The following CDK2 variants were observed in gnomAD, a reference collection of about 807,000 sequenced individuals.
CDK2 encodes cyclin-dependent kinase 2.
A neutral mutation model predicts 35.0 loss-of-function variants in CDK2; 8 were observed. That is an observed-to-expected ratio of 0.23 (90% CI 0.13 to 0.41). The LOEUF is 0.41. Ranked by LOEUF, CDK2 falls within the 10% of genes least tolerant of loss-of-function variation. The pLI is 1.00. For synonymous variants in CDK2, 134 were observed against 137.7 expected, an observed-to-expected ratio of 0.97 and a Z score of 0.19; for missense variants, 201 against 367.1, an observed-to-expected ratio of 0.55 and a Z score of 3.70.
chr12:55,968,236 G>C, intron 3 of CDK2, 67 bp downstream of exon 3: 2 of 1,586,040 alleles, frequency 1.3e-6, no homozygotes, highest in East Asian at 4.5e-5. Context: ...GGCAATTCAG[G>C]GTGATATTTT....
chr12:55,971,440 G>A, intron 6 of CDK2, 81 bp from the exon 7 acceptor site: 1 of 1,222,688 alleles, frequency 8.2e-7, no homozygotes, highest in African/African-American at 1.5e-5. Flanking sequence ...AGGAGTTCTG[G>A]TTTCCTGATT....
At position 55,967,825 on chromosome 12, in the gene CDK2, A is replaced by T. The variant is rs765419490; in HGVS notation, c.117-32A>T. 4 of 1,565,910 alleles carry T rather than the reference A, an allele frequency of 2.6e-6. No homozygotes were observed. In the East Asian group the frequency reaches 9.0e-5, roughly 35 times the overall value. ...GGGGGAAAGGAATATTTGTAACCAT[A>T]TTCCCATCTCTGCTTTCCCAACCTC... On this transcript the variant is annotated intron_variant, in intron 1 of 6. Transcript: ENST00000266970.
At chr12:55,967,728 C>T in intron 1 of CDK2, 129 bp from the exon 2 acceptor site, 4 of 739,028 alleles carry the variant, frequency 5.4e-6, no homozygotes, top group Non-Finnish European at 7.1e-6. Flanking sequence ...CTTACCATCA[C>T]CCTTTCTCTT....
At chr12:55,967,962 G>C (rs747502900) in intron 2 of CDK2, 28 bp downstream of exon 2, 10 of 1,613,048 alleles carry the variant, frequency 6.2e-6, no homozygotes, top group Non-Finnish European at 8.5e-6. Context: ...AGGTGATCCA[G>C]CTGGAAAGGA....
At position 55,971,713 on chromosome 12, in the gene CDK2, G is replaced by T. The variant is rs977611014; in HGVS notation, c.*88G>T. The T allele has an allele frequency of 4.2e-6, 4 of 951,418 alleles. No individual in the cohort carries two copies. Among genetic ancestry groups the T allele is most frequent in the African/African-American group, 1.6e-5 (1 of 61,300 alleles). 58.9% of individuals were successfully genotyped at this position (951,418 alleles called of 1,614,324 possible). On this transcript the variant is annotated 3_prime_UTR_variant, in exon 7 of 7. Transcript: ENST00000266970. The stretch of plus-strand genomic sequence containing the variant: ...TTGGCCTTGGGCTATTTGGACTCAG[G>T]TGGGCCCTCTGAACTTGCCTTAAAC...
At chr12:55,969,277 A>G (rs962135573) in intron 4 of CDK2, among the ~76,000 whole-genome samples, 198 bp from the exon 5 acceptor site, 2 of 152,120 alleles carry the variant, frequency 1.3e-5, no homozygotes, top group African/African-American at 2.4e-5. Context: ...ATTTGTCTCA[A>G]GTTTTTCCAG....
At chr12:55,970,749 G>C in intron 5 of CDK2, 1 of 701,122 alleles carries the variant, frequency 1.4e-6, no homozygotes, top group Non-Finnish European at 2.6e-6. Flanking sequence ...CCCGTGAGTG[G>C]CTTGGGATAC....
At position 55,968,173 on chromosome 12, in the gene CDK2, A is replaced by T. The variant is rs769987474; in HGVS notation, c.315+4A>T. ...CATTCCTCTTCCCCTCATCAAGGTA[A>T]TGCTTCTCATCAGCTCCTCTCATCA... On this transcript the variant is annotated splice_donor_region_variant and intron_variant, in intron 3 of 6. Coordinates refer to ENST00000266970, the MANE Select transcript of CDK2 (RefSeq NM_001798.5). The T allele has an allele frequency of 3.1e-6, 5 of 1,613,960 alleles. No homozygotes were observed. In the Admixed American group the frequency reaches 8.3e-5, roughly 27 times the overall value.
At chr12:55,971,362 C>T in intron 6 of CDK2, 115 bp downstream of exon 6, 2 of 1,145,552 alleles carry the variant, frequency 1.7e-6, no homozygotes. Context: ...TCCCTGGTTC[C>T]TGCTCTCCCT....
At position 55,968,891 on chromosome 12, in the gene CDK2, A is replaced by G; in HGVS notation, c.429A>G (p.Leu143=). The change falls in exon 4 of 7, where the codon CTA becomes CTG. Residue 143 remains leucine (L), a synonymous_variant. Transcript: ENST00000266970. The stretch of plus-strand genomic sequence containing the variant: ...TTAACACAGAGGGGGCCATCAAGCT[A>G]GCAGACTTTGGACTAGCCAGAGCTT... ...LLINTEGAIK[L]ADFGLARAFG... 6.2e-7 allele frequency: 1 copy of G among 1,611,306 alleles called. No individual in the cohort carries two copies. The highest frequency in any genetic ancestry group is 8.5e-7 in the Non-Finnish European group (1 of 1,178,834).
At position 55,971,818 on chromosome 12, in the gene CDK2, T is replaced by G. The variant is rs1047359802; in HGVS notation, c.*193T>G. 3 of 569,554 alleles carry G rather than the reference T, an allele frequency of 5.3e-6. No individual in the cohort carries two copies. Among genetic ancestry groups the G allele is most frequent in the African/African-American group, 1.9e-5 (1 of 52,578 alleles). The allele number at this position is 569,554 out of a possible 1,614,324, so 35.3% of individuals were successfully genotyped here. A position where few individuals can be genotyped will look rare whatever the true frequency, so the allele number is the denominator to read the frequency against. ...GAACCAGTGAAAATGAAAGGAAGTT[T>G]CAGTATTAGATGCACTTAAGTTAGC... On this transcript the variant is annotated 3_prime_UTR_variant, in exon 7 of 7. Coordinates refer to ENST00000266970, the MANE Select transcript of CDK2 (RefSeq NM_001798.5).
intron 1 of CDK2, 95 bp from the exon 2 acceptor site, chr12:55,967,761 TG>T: frequency 1.0e-6 from 1 of 975,000 alleles, no homozygotes; most frequent in East Asian, 2.4e-5. Flanking sequence ...TAGGGGGTGC[TG>T]GGTGGTGTCT....
chr12:55,971,410 A>AT, intron 6 of CDK2, 111 bp from the exon 7 acceptor site: 1 of 1,105,832 alleles, frequency 9.0e-7, no homozygotes, highest in Non-Finnish European at 1.4e-6. Flanking sequence ...GATGGAAGTG[A>AT]GAATTCTGCC....
chr12:55,970,656 G>C, intron 5 of CDK2: 1 of 702,390 alleles, frequency 1.4e-6, no homozygotes, highest in Non-Finnish European at 2.6e-6. Flanking sequence ...AGAAATGGAA[G>C]ACAGAGTCTC....
At chr12:55,970,465 CTT>C (rs1214211827) in intron 5 of CDK2, 2 of 601,304 alleles carry the variant, frequency 3.3e-6, no homozygotes, top group Non-Finnish European at 5.9e-6. Context: ...GTTTTATTGT[CTT>C]TTATCTTGGT....
intron 5 of CDK2, chr12:55,970,734 C>G (rs1176965842): frequency 1.4e-6 from 1 of 701,610 alleles, no homozygotes; most frequent in Non-Finnish European, 2.6e-6. Context: ...GTGTCTACCC[C>G]CTACCCCGTG....
rs1018009258 is a variant in CDK2 at position 55,971,605 on chromosome 12, G to C, written c.877G>C (p.Val293Leu). 2 of 1,613,714 alleles carry C rather than the reference G, an allele frequency of 1.2e-6. No individual in the cohort carries two copies. The highest frequency in any genetic ancestry group is 1.7e-6 in the Non-Finnish European group (2 of 1,179,606). The change falls in exon 7 of 7, where the codon GTA becomes CTA. Residue 293 changes from valine to leucine, a missense_variant. This residue lies in a region of CDK2 where 106 missense variants were observed against 141.3 expected (regional missense o/e 0.75). Coordinates refer to ENST00000266970, the MANE Select transcript of CDK2 (RefSeq NM_001798.5). Reference sequence around the variant, plus strand: ...TTTCTTCCAGGATGTGACCAAGCCAGTACCCCATCTTCGACTCTGATAGCC... The same window carrying C: ...TTTCTTCCAGGATGTGACCAAGCCACTACCCCATCTTCGACTCTGATAGCC... ...HPFFQDVTKP[V>L]PHLRL
chr12:55,971,170 A>C lies in CDK2; in HGVS notation c.715A>C (p.Ser239Arg). The C allele has an allele frequency of 6.2e-7, 1 of 1,614,080 alleles. No individual in the cohort carries two copies. Among genetic ancestry groups the C allele is most frequent in the Non-Finnish European group, 8.5e-7 (1 of 1,179,994 alleles). ...TACTTCTATGCCTGATTACAAGCCA[A>C]GTTTCCCCAAGTGGGCCCGGCAAGA... The part of the protein sequence containing the change: ...GVTSMPDYKP[S>R]FPKWARQDFS... The change falls in exon 6 of 7, where the codon AGT (serine) becomes CGT (arginine). Residue 239 changes from serine (S) to arginine (R), a missense_variant. By Grantham distance (110) the Ser-to-Arg change is moderately radical. Coordinates refer to ENST00000266970, the MANE Select transcript of CDK2 (RefSeq NM_001798.5).
chr12:55,967,416 G>A, intron 1 of CDK2: 1 of 475,766 alleles, frequency 2.1e-6, no homozygotes. Context: ...TCTGAGATGA[G>A]GTCCAAGACT....
Sources: gnomAD v4.1 joint callset for allele counts (sites outside exome capture counted in the v4.1 genomes callset) on GRCh38, gnomAD v4.1.1 for gene constraint, gnomAD v4.1.1 regional missense constraint, MANE v1.5 for transcripts, NCBI Gene and HGNC (gene_info 2026-07-23, HGNC 2026-07-21) for gene names.